Variants in CD8B observed in about 807,000 individuals in gnomAD.
The protein encoded by CD8B is CD8 subunit beta, also known as T-cell surface glycoprotein CD8 beta chain.
Under a neutral mutation model 24.2 loss-of-function variants are expected in CD8B, and 6 were observed. The observed-to-expected ratio is 0.25, with a 90% CI of 0.14 to 0.49. The LOEUF (loss-of-function observed/expected upper bound fraction) is 0.49. Ranked by LOEUF, CD8B falls within the 20% of genes least tolerant of loss-of-function variation. The probability of loss-of-function intolerance (pLI) is 0.98; values close to 1 mark genes in which losing one functional copy is unlikely to be tolerated. For missense variants in CD8B, 196 were observed against 271.3 expected, an observed-to-expected ratio of 0.72 and a Z score of 1.95; for synonymous variants, 84 against 108.3, an observed-to-expected ratio of 0.78 and a Z score of 1.39.
chr2:86,861,761 C>T (rs904763048), intron 1 of CD8B, 62 bp downstream of exon 1: 186 of 1,200,468 alleles, frequency 1.5e-4, no homozygotes, highest in Non-Finnish European at 1.9e-4. Context: ...AGCCACTTAT[C>T]ACCTCCCCGC....
intron 5 of CD8B, among the ~76,000 whole-genome samples, chr2:86,816,490 G>T (rs758937349): frequency 1.2e-4 from 19 of 152,118 alleles, no homozygotes; most frequent in African/African-American, 1.7e-4. Flanking sequence ...GAAGGGTAAG[G>T]GGGGGACCCA....
At chr2:86,815,843 C>T (rs1412160764) in intron 5 of CD8B, 3 of 683,526 alleles carry the variant, frequency 4.4e-6, no homozygotes, top group Non-Finnish European at 8.0e-6. Flanking sequence ...AAATTCAACA[C>T]AGAAAGAGCC....
At chr2:86,817,922 T>A (rs1214213115) in intron 5 of CD8B, among the ~76,000 whole-genome samples, 1 of 152,154 alleles carries the variant, frequency 6.6e-6, no homozygotes, top group Non-Finnish European at 1.5e-5. Flanking sequence ...AAAATATATA[T>A]TCACTGGCTG....
intron 3 of CD8B, among the ~76,000 whole-genome samples, chr2:86,850,947 C>T (rs1675944270): frequency 6.6e-6 from 1 of 151,932 alleles, no homozygotes; most frequent in Non-Finnish European, 1.5e-5. Flanking sequence ...AAAAATTAGC[C>T]AAGCGTGGTG....
chr2:86,848,416 T>C (rs554174161), intron 3 of CD8B, among the ~76,000 whole-genome samples: 1 of 152,198 alleles, frequency 6.6e-6, no homozygotes, highest in African/African-American at 2.4e-5. Context: ...TGTTCCTTTG[T>C]CCATTTTGTG....
intron 1 of CD8B, among the ~76,000 whole-genome samples, chr2:86,860,745 G>C (rs536329352): frequency 3.3e-5 from 5 of 152,194 alleles, no homozygotes; most frequent in South Asian, 2.1e-4. Flanking sequence ...ACAGGTGCCC[G>C]AAGCCCTTCC....
chr2:86,842,536 C>T (rs566769270), intron 5 of CD8B, among the ~76,000 whole-genome samples: 9 of 152,252 alleles, frequency 5.9e-5, no homozygotes, highest in Admixed American at 3.3e-4. Context: ...GCTCAAAGAA[C>T]GGTAGCTTTG....
downstream of CD8B, among the ~76,000 whole-genome samples, chr2:86,837,211 A>T (rs1295692271): frequency 2.0e-5 from 3 of 152,196 alleles, no homozygotes; most frequent in African/African-American, 7.2e-5. Flanking sequence ...CAAATTTAGA[A>T]GTCTAAGCAA....
chr2:86,821,297 A>G (rs1486126233), intron 5 of CD8B, among the ~76,000 whole-genome samples: 2 of 151,956 alleles, frequency 1.3e-5, no homozygotes, highest in Non-Finnish European at 2.9e-5. Flanking sequence ...AAGCTTTCGG[A>G]TTTATCAAAT....
downstream of CD8B, among the ~76,000 whole-genome samples, chr2:86,836,573 C>T (rs1675187112): frequency 6.6e-6 from 1 of 152,096 alleles, no homozygotes; most frequent in Non-Finnish European, 1.5e-5. Flanking sequence ...ATCGCTTGAG[C>T]TCAGGAGTTT....
At chr2:86,837,421 T>A (rs956981168), downstream of CD8B, among the ~76,000 whole-genome samples, 7 of 152,126 alleles carry the variant, frequency 4.6e-5, no homozygotes, top group Non-Finnish European at 8.8e-5. Context: ...TTCCTTCTGT[T>A]TGAGTTATGT....
chr2:86,843,320 T>G (rs1573511579), intron 5 of CD8B: 1 of 167,490 alleles, frequency 6.0e-6, no homozygotes, highest in Middle Eastern at 3.1e-3. Context: ...GGTCTCAAAC[T>G]CCTGACCTCA....
chr2:86,860,590 T>C (rs1206540247), intron 1 of CD8B, among the ~76,000 whole-genome samples: 2 of 152,200 alleles, frequency 1.3e-5, no homozygotes, highest in Non-Finnish European at 2.9e-5. Flanking sequence ...GTTAAAGATG[T>C]GCTCAAGGTC....
At position 86,823,693 on chromosome 2, in the gene CD8B, G is replaced by A. The variant is rs191766362; in HGVS notation, c.621-7975C>T. Among the ~76,000 whole-genome samples, 4 of 152,330 alleles carry A rather than the reference G, an allele frequency of 2.6e-5. No individual in the cohort carries two copies. In the East Asian group the frequency reaches 7.7e-4, roughly 29 times the overall value. Reference sequence around the variant, plus strand: ...TTTGATATTGACTGTGCACCCACACGTGTGCTGGGCACTGTTCGAGGCAGG... The same window carrying A: ...TTTGATATTGACTGTGCACCCACACATGTGCTGGGCACTGTTCGAGGCAGG... On this transcript the variant is annotated intron_variant, in intron 5 of 5. Transcript: ENST00000331469.
At chr2:86,833,063 T>A (rs933028225) in intron 5 of CD8B, 1 of 383,964 alleles carries the variant, frequency 2.6e-6, no homozygotes, top group Admixed American at 3.0e-5. Flanking sequence ...CACAGGGTCA[T>A]AGGCACAGGA....
intron 3 of CD8B, among the ~76,000 whole-genome samples, chr2:86,847,483 A>G (rs1484341098): frequency 6.6e-6 from 1 of 152,180 alleles, no homozygotes; most frequent in Non-Finnish European, 1.5e-5. Flanking sequence ...ATCACCACTG[A>G]TAATTTAGTA....
intron 5 of CD8B, chr2:86,844,447 G>A (rs888493925): frequency 3.0e-5 from 5 of 164,082 alleles, no homozygotes; most frequent in African/African-American, 1.2e-4. Flanking sequence ...CCAAGGGGAT[G>A]AAATAATAGG....
intron 1 of CD8B, among the ~76,000 whole-genome samples, chr2:86,860,846 C>T (rs1436213753): frequency 5.3e-5 from 8 of 152,164 alleles, no homozygotes; most frequent in Middle Eastern, 3.2e-3. Context: ...CGGCTCTTCC[C>T]GGGGCCCACT....
At chr2:86,857,132 A>G (rs1333679597) in intron 2 of CD8B, among the ~76,000 whole-genome samples, 3 of 151,944 alleles carry the variant, frequency 2.0e-5, no homozygotes, top group Non-Finnish European at 4.4e-5. Context: ...ACTGAGGCCC[A>G]GGGGAGAAAG....
Sources: allele counts gnomAD v4.1 joint callset (sites outside exome capture counted in the v4.1 genomes callset), GRCh38; gene constraint gnomAD v4.1.1; transcripts MANE v1.5; gene names NCBI Gene and HGNC (gene_info 2026-07-23, HGNC 2026-07-21).